Variants in NPHP4 observed in about 807,000 individuals in gnomAD.
NPHP4 encodes nephrocystin-4.
Under a neutral mutation model 155.8 loss-of-function variants are expected in NPHP4, and 151 were observed. That is an observed-to-expected ratio of 0.97 (90% CI 0.85 to 1.11). The LOEUF (loss-of-function observed/expected upper bound fraction) is 1.11. Ranked by LOEUF, NPHP4 falls within the 50% of genes least tolerant of loss-of-function variation. The probability of loss-of-function intolerance (pLI) is 0.00; values close to 1 mark genes in which losing one functional copy is unlikely to be tolerated. For missense variants in NPHP4, 1,956 were observed against 1,925.7 expected (o/e 1.02, Z -0.29); for synonymous variants, 845 against 816.8 (o/e 1.03, Z -0.59).
Position 5,887,331 on chromosome 1 carries a change from G to A in NPHP4, c.2440C>T (p.His814Tyr), listed in dbSNP as rs751942698. ...TGCAGCCGGCCCTTCACCACCGAGT[G>A]GACGCCGATGGGCTTGACGCGGCCA... ...GFGRVKPIGV[H>Y]SVVKGRLHLT... Residue 814 changes from histidine (H) to tyrosine (Y), a missense_variant, in exon 18 of 30, where the codon CAC becomes TAC. Coordinates refer to ENST00000378156, the MANE Select transcript of NPHP4 (RefSeq NM_015102.5). 4 of 1,613,564 alleles carry A rather than the reference G, an allele frequency of 2.5e-6. No individual in the cohort carries two copies. The East Asian group carries it at 6.7e-5, about 27-fold the overall frequency.
chr1:5,866,956 C>T, intron 25 of NPHP4, 74 bp downstream of exon 25: 3 of 1,121,464 alleles, frequency 2.7e-6, no homozygotes, highest in Non-Finnish European at 1.3e-6. Context: ...TCCCAGGATA[C>T]CCGTGGGGAA....
chr1:5,933,442 G>C, intron 9 of NPHP4, 113 bp from the exon 10 acceptor site: 1 of 825,896 alleles, frequency 1.2e-6, no homozygotes. Flanking sequence ...GTGTAGCAAG[G>C]GGCAGGGATC....
chr1:5,915,761 C>T (rs1258073882), intron 11 of NPHP4, among the ~76,000 whole-genome samples: 2 of 152,166 alleles, frequency 1.3e-5, no homozygotes, highest in Non-Finnish European at 2.9e-5. Context: ...CAAAGCCTTG[C>T]TCTGACCCAC....
Position 5,917,167 on chromosome 1 carries a change from CA to C in NPHP4, c.1442-7955del, listed in dbSNP as rs1297219599. Reference sequence around the variant, plus strand: ...CCCTCCCAGCCCTTAACCATACAGTCAGGGGTGGCCCCAACCCCCACACCAA... The same window carrying C: ...CCCTCCCAGCCCTTAACCATACAGTCGGGGTGGCCCCAACCCCCACACCAA... On this transcript the variant is annotated intron_variant, in intron 11 of 29. Coordinates refer to ENST00000378156, the MANE Select transcript of NPHP4 (RefSeq NM_015102.5). Among the ~76,000 whole-genome samples, 4 of 152,136 alleles carry C rather than the reference CA, an allele frequency of 2.6e-5. No individual in the cohort carries two copies. The South Asian group carries it at 8.3e-4, about 32-fold the overall frequency.
intron 6 of NPHP4, among the ~76,000 whole-genome samples, chr1:5,957,610 GACCGCTGC>G (rs1649487988): frequency 5.3e-5 from 7 of 132,354 alleles, no homozygotes; most frequent in African/African-American, 1.8e-4. Context: ...TCAAAAACAA[GACCGCTGC>G]AACAGTGGGA....
At chr1:5,872,313 G>A (rs193293220) in intron 23 of NPHP4, among the ~76,000 whole-genome samples, 16 of 152,334 alleles carry the variant, frequency 1.1e-4, no homozygotes, top group Non-Finnish European at 2.1e-4. Flanking sequence ...GGTAAGGCCC[G>A]TCTTTGCTGC....
chr1:5,865,142 C>T lies in NPHP4; in HGVS notation c.3776G>A (p.Arg1259Lys). Residue 1259 changes from arginine to lysine, a missense_variant, in exon 27 of 30, where the codon AGG becomes AAG. Physicochemically the swap from Arg to Lys is conservative, Grantham distance 26 (BLOSUM62 2). Coordinates refer to ENST00000378156, the MANE Select transcript of NPHP4 (RefSeq NM_015102.5). Reference protein sequence around the residue: ...SLVLRGTQTVRKVRAFTSHPQ... With the variant: ...SLVLRGTQTVKKVRAFTSHPQ... ...ATGAGAGGTGAAAGCTCTCACTTTC[C>T]TCACTGTCTGTGTCCCCCGAAGGAC... 6.2e-7 allele frequency: 1 copy of T among 1,613,690 alleles called. No individual in the cohort carries two copies. Among genetic ancestry groups the T allele is most frequent in the South Asian group, 1.1e-5 (1 of 91,076 alleles).
chr1:5,924,059 G>A lies in NPHP4; in HGVS notation c.1441+3590C>T, dbSNP rs114234711. Among the ~76,000 whole-genome samples, 1,061 of 152,252 alleles carry A rather than the reference G, an allele frequency of 7.0e-3. 4 individuals carry two copies. The highest frequency in any genetic ancestry group is 0.01 in the Middle Eastern group (3 of 294). Reference sequence around the variant, plus strand: ...ACGGAAGAATAAAACAAGCCCAGACGAACTTCTAGAGATGAAAACTATAAT... The same window carrying A: ...ACGGAAGAATAAAACAAGCCCAGACAAACTTCTAGAGATGAAAACTATAAT... On this transcript the variant is annotated intron_variant, in intron 11 of 29. Coordinates refer to ENST00000378156, the MANE Select transcript of NPHP4 (RefSeq NM_015102.5).
intron 19 of NPHP4, chr1:5,879,643 A>G (rs1164968057): frequency 1.9e-6 from 1 of 518,108 alleles, no homozygotes; most frequent in Non-Finnish European, 3.8e-6. Flanking sequence ...CTAGAGCACC[A>G]GGGTGTGATC....
Position 5,887,474 on chromosome 1 carries a change from A to G in NPHP4, c.2305-8T>C, listed in dbSNP as rs1557657092. ...GCCTTGGCGGAGGAGATGCTGCAGA[A>G]GAGAAAAGCGCGTTCAGAGGCTGGA... On this transcript the variant is annotated splice_polypyrimidine_tract_variant and splice_region_variant and intron_variant, in intron 17 of 29. Transcript: ENST00000378156. The G allele has an allele frequency of 6.2e-7, 1 of 1,612,558 alleles. No individual in the cohort carries two copies. The highest frequency in any genetic ancestry group is 8.5e-7 in the Non-Finnish European group (1 of 1,179,794).
intron 1 of NPHP4, among the ~76,000 whole-genome samples, chr1:5,989,832 G>A (rs558602500): frequency 1.4e-4 from 22 of 152,300 alleles, no homozygotes; most frequent in Admixed American, 1.3e-3. Context: ...GCTGAAGGAC[G>A]TGCATACGCC....
At chr1:5,929,183 T>C (rs1313440265) in intron 10 of NPHP4, among the ~76,000 whole-genome samples, 3 of 152,214 alleles carry the variant, frequency 2.0e-5, no homozygotes, top group African/African-American at 7.2e-5. Context: ...TTACTCATTC[T>C]AAAAGGACTT....
intron 16 of NPHP4, among the ~76,000 whole-genome samples, chr1:5,893,008 T>C (rs530307610): frequency 6.6e-6 from 1 of 152,284 alleles, no homozygotes; most frequent in African/African-American, 2.4e-5. Context: ...CAACGATGAA[T>C]GAGTGACAAT....
chr1:5,880,332 A>ATG, intron 18 of NPHP4, 93 bp from the exon 19 acceptor site: 1 of 1,355,680 alleles, frequency 7.4e-7, no homozygotes, highest in Non-Finnish European at 1.0e-6. Context: ...GTGGCTTTCA[A>ATG]ATGGCCTATC....
chr1:5,866,912 A>G (rs908202153), intron 25 of NPHP4, 118 bp downstream of exon 25: 17 of 771,824 alleles, frequency 2.2e-5, no homozygotes, highest in Middle Eastern at 3.5e-4. Flanking sequence ...CTTGGGAAAG[A>G]AACCACTTAG....
At chr1:5,978,462 C>A in intron 2 of NPHP4, 49 bp from the exon 3 acceptor site, 8 of 1,563,410 alleles carry the variant, frequency 5.1e-6, no homozygotes, top group Non-Finnish European at 7.0e-6. Flanking sequence ...CACCATGAGC[C>A]AGGAGGTCAC....
intron 11 of NPHP4, among the ~76,000 whole-genome samples, chr1:5,916,455 G>T (rs944309210): frequency 6.6e-6 from 1 of 152,196 alleles, no homozygotes; most frequent in Non-Finnish European, 1.5e-5. Flanking sequence ...AACCTGGGCT[G>T]AAGGTAATCA....
chr1:5,896,925 C>T (rs756525227), intron 16 of NPHP4, among the ~76,000 whole-genome samples: 31 of 152,250 alleles, frequency 2.0e-4, no homozygotes, highest in African/African-American at 6.3e-4. Flanking sequence ...CCCCATGCAT[C>T]GATGAAGATG....
intron 2 of NPHP4, among the ~76,000 whole-genome samples, chr1:5,981,231 C>T (rs1194640021): frequency 6.6e-6 from 1 of 152,178 alleles, no homozygotes; most frequent in African/African-American, 2.4e-5. Context: ...AGAACCGTCG[C>T]TGGCTTGGGC....
Sources: allele counts gnomAD v4.1 joint callset (sites outside exome capture counted in the v4.1 genomes callset), GRCh38; gene constraint gnomAD v4.1.1; transcripts MANE v1.5; gene names NCBI Gene and HGNC (gene_info 2026-07-23, HGNC 2026-07-21).